Variants in GGT5 observed in about 807,000 individuals in gnomAD.
GGT5 encodes the protein glutathione hydrolase 5 proenzyme.
GGT5 carries 50 observed loss-of-function variants against 58.1 expected under a neutral mutation model. The ratio of observed to expected loss-of-function variants is 0.86; its 90% CI spans 0.69 to 1.09. GGT5 has a LOEUF of 1.09. Among genes scored for constraint, GGT5 ranks in the 50% least tolerant of loss-of-function variants. GGT5 has a pLI of 0.00. For synonymous variants in GGT5, 370 were observed against 346.1 expected, an observed-to-expected ratio of 1.07 and a Z score of -0.77; for missense variants, 800 against 789.4, an observed-to-expected ratio of 1.01 and a Z score of -0.16.
intron 6 of GGT5, 49 bp from the exon 7 acceptor site, chr22:24,226,816 G>A: frequency 6.4e-7 from 1 of 1,555,278 alleles, no homozygotes; most frequent in Non-Finnish European, 8.9e-7. Context: ...CTATGTAATG[G>A]GTTGAATGTT....
intron 6 of GGT5, among the ~76,000 whole-genome samples, chr22:24,227,841 G>A (rs1189934600): frequency 6.6e-6 from 1 of 151,806 alleles, no homozygotes; most frequent in Non-Finnish European, 1.5e-5. Flanking sequence ...GCTGAGGTCA[G>A]GAGTTCAAGA....
chr22:24,236,463 T>A (rs12165595), intron 1 of GGT5, among the ~76,000 whole-genome samples: 25,993 of 151,972 alleles, frequency 0.17, 2,412 homozygotes, highest in Admixed American at 0.26. Flanking sequence ...CCTTACATTT[T>A]AAAAAAATAA....
At chr22:24,233,351 T>C (rs2048004589) in intron 3 of GGT5, 147 bp downstream of exon 3, 1 of 566,738 alleles carries the variant, frequency 1.8e-6, no homozygotes, top group Admixed American at 3.2e-5. Flanking sequence ...TCCCTGCAGG[T>C]TGGGGCTGGG....
rs752973892 is a variant in GGT5, at chr22:24,232,150, C to T, written c.655G>A (p.Ala219Thr). Residue 219 changes from alanine to threonine, a missense_variant, in exon 5 of 12, where the codon GCA (alanine) becomes ACA (threonine). Transcript: ENST00000327365. The stretch of plus-strand genomic sequence containing the variant: ...ACGGTCTCCAGGGTGGTGGCCAGTG[C>T]AGGCCATGGGAGTGGGTCCTGAGGC... Reference protein sequence around the residue: ...LRPQDPLPWPALATTLETVAT... With the variant: ...LRPQDPLPWPTLATTLETVAT... 7.5e-6 allele frequency: 12 copies of T among 1,597,994 alleles called. No homozygotes were observed. In the South Asian group the frequency reaches 1.2e-4, roughly 16 times the overall value.
chr22:24,229,859 A>G (rs1354379400), intron 6 of GGT5, among the ~76,000 whole-genome samples: 1 of 151,724 alleles, frequency 6.6e-6, no homozygotes, highest in Non-Finnish European at 1.5e-5. Flanking sequence ...TCAAAAAAAA[A>G]AAGAAAAAAA....
In GGT5 at chr22:24,227,310, G is replaced by A. The variant is rs541131549; in HGVS notation, c.902-543C>T. 3.9e-5 allele frequency among the ~76,000 whole-genome samples: 6 copies of A among 151,926 alleles called. No individual in the cohort carries two copies. The South Asian group carries it at 1.2e-3, about 32-fold the overall frequency. ...TCACCCAGGCTGGAGTGTGTGGCAC[G>A]ATCTCAGCTTACTGCAATCTCCACC... On this transcript the variant is annotated intron_variant, in intron 6 of 11. Coordinates refer to ENST00000327365, the MANE Select transcript of GGT5 (RefSeq NM_004121.5).
chr22:24,220,642 G>C (rs558328510), intron 11 of GGT5: 2 of 454,734 alleles, frequency 4.4e-6, no homozygotes, highest in Admixed American at 4.7e-5. Context: ...CATACCTACA[G>C]TCTTAGCCAC....
chr22:24,230,373 A>G (rs1346001930), intron 6 of GGT5, among the ~76,000 whole-genome samples: 1 of 140,766 alleles, frequency 7.1e-6, no homozygotes, highest in East Asian at 2.0e-4. Flanking sequence ...GTCTAAAAAG[A>G]AAAAAAAAAA....
intron 11 of GGT5, among the ~76,000 whole-genome samples, chr22:24,222,687 C>T (rs1224966362): frequency 1.3e-5 from 2 of 152,148 alleles, no homozygotes; most frequent in African/African-American, 2.4e-5. Flanking sequence ...AATCCCAGTC[C>T]CCAGACTGTC....
rs2048423410 is a variant in GGT5, at chr22:24,244,624, G to A, written c.102C>T (p.Ala34=). The change falls in exon 1 of 12, where the codon GCC becomes GCT. Residue 34 remains alanine (A), a synonymous_variant. Coordinates refer to ENST00000327365, the MANE Select transcript of GGT5 (RefSeq NM_004121.5). ...GGGCAAAGGCCTGGGGGCCACATGG[G>A]GCCTGGTGTCGAGAGAGGACCACAG... ...VLAVVLSRHQ[A]PCGPQAFAHA... 3 of 1,612,812 alleles carry A rather than the reference G, an allele frequency of 1.9e-6. No homozygotes were observed. The highest frequency in any genetic ancestry group is 1.1e-5 in the South Asian group (1 of 91,026).
chr22:24,227,345 G>A (rs1229907076), intron 6 of GGT5, among the ~76,000 whole-genome samples: 1 of 152,038 alleles, frequency 6.6e-6, no homozygotes, highest in Non-Finnish European at 1.5e-5. Flanking sequence ...CTCCTGGGTT[G>A]AAGTGATTCT....
At position 24,232,991 on chromosome 22, in the gene GGT5, TC is replaced by T; in HGVS notation, c.427del (p.Glu143SerfsTer67). On this transcript the variant is annotated frameshift_variant, in exon 4 of 12. Transcript: ENST00000327365. LOFTEE classifies it high-confidence loss of function. ...TGAQWIGVPG[E>X]LRGYAEAHRR... ...GTGGGCCTCGGCATAGCCACGGAGC[TC>T]CCCGGGCACCCCGATCCACTGGGCC... 1 of 1,551,540 alleles carries T rather than the reference TC, an allele frequency of 6.4e-7. No individual in the cohort carries two copies.
chr22:24,220,303 A>C (rs1451575635), intron 11 of GGT5, among the ~76,000 whole-genome samples, 187 bp from the exon 12 acceptor site: 1 of 152,228 alleles, frequency 6.6e-6, no homozygotes, highest in Non-Finnish European at 1.5e-5. Context: ...ATAGAGGACA[A>C]GCTCAGCCTC....
At position 24,223,906 on chromosome 22, in the gene GGT5, G is replaced by A. The variant is rs559989540; in HGVS notation, c.1614+1090C>T. On this transcript the variant is annotated intron_variant, in intron 11 of 11. Coordinates refer to ENST00000327365, the MANE Select transcript of GGT5 (RefSeq NM_004121.5). Reference sequence around the variant, plus strand: ...GCCTCCCGAGTAGCTGGGATTACAGGTGTGTGCCACCACGCCTGGCTAATT... The same window carrying A: ...GCCTCCCGAGTAGCTGGGATTACAGATGTGTGCCACCACGCCTGGCTAATT... Among the ~76,000 whole-genome samples the A allele has an allele frequency of 1.6e-4, 25 of 151,882 alleles. No individual in the cohort carries two copies. The South Asian group carries it at 4.6e-3, about 28-fold the overall frequency.
chr22:24,221,033 C>T (rs9612567), intron 11 of GGT5, among the ~76,000 whole-genome samples: 1 of 151,306 alleles, frequency 6.6e-6, no homozygotes, highest in South Asian at 2.1e-4. Flanking sequence ...CTGGGCAAAA[C>T]AGCAAGACTG....
intron 7 of GGT5, 103 bp from the exon 8 acceptor site, chr22:24,226,369 G>T: frequency 1.1e-6 from 1 of 915,694 alleles, no homozygotes; most frequent in Non-Finnish European, 1.6e-6. Flanking sequence ...CCTCCAGTCT[G>T]TCCTCTACCT....
intron 7 of GGT5, 72 bp downstream of exon 7, chr22:24,226,559 C>G: frequency 6.6e-7 from 1 of 1,511,500 alleles, no homozygotes; most frequent in Non-Finnish European, 9.2e-7. Context: ...CCAGGCCTGA[C>G]CCTCATTTCA....
At chr22:24,227,786 C>A (rs1466206436) in intron 6 of GGT5, among the ~76,000 whole-genome samples, 7 of 152,064 alleles carry the variant, frequency 4.6e-5, no homozygotes, top group African/African-American at 1.2e-4. Flanking sequence ...CGGCAGCCAG[C>A]CACAGTGGCT....
In GGT5 at chr22:24,244,564, C is replaced by A. The variant is rs200177467; in HGVS notation, c.162G>T (p.Ser54=). The change falls in exon 1 of 12, where the codon TCG becomes TCT. Residue 54 remains serine, a synonymous_variant. Transcript: ENST00000327365. ...AAVAADSKVC[S]DIGRAILQQQ... is the part of the protein sequence containing the mutation. ...CACGTCTCACTCACCGTCCAATATC[C>A]GAGCAGACCTTGGAGTCGGCGGCAA... 6.2e-7 allele frequency: 1 copy of A among 1,611,700 alleles called. No homozygotes were observed. The highest frequency in any genetic ancestry group is 8.5e-7 in the Non-Finnish European group (1 of 1,179,570).
Sources: gnomAD v4.1 joint callset for allele counts (sites outside exome capture counted in the v4.1 genomes callset) on GRCh38, gnomAD v4.1.1 for gene constraint, MANE v1.5 for transcripts, NCBI Gene and HGNC (gene_info 2026-07-23, HGNC 2026-07-21) for gene names.